Variants in SPPL2B observed in about 807,000 individuals in gnomAD.
SPPL2B encodes signal peptide peptidase like 2B.
A neutral mutation model predicts 59.7 loss-of-function variants in SPPL2B; 39 were observed. That is an observed-to-expected ratio of 0.65 (90% CI 0.51 to 0.85). The LOEUF (loss-of-function observed/expected upper bound fraction) is 0.85. SPPL2B is among the 40% of genes least tolerant of loss of function. The probability of loss-of-function intolerance (pLI) is 0.00; values close to 1 mark genes in which losing one functional copy is unlikely to be tolerated. For missense variants in SPPL2B, 865 were observed against 849.0 expected, an observed-to-expected ratio of 1.02 and a Z score of -0.23; for synonymous variants, 419 against 370.8, an observed-to-expected ratio of 1.13 and a Z score of -1.49.
chr19:2,343,619 C>A (rs774366492), intron 9 of SPPL2B, among the ~76,000 whole-genome samples: 1 of 152,052 alleles, frequency 6.6e-6, no homozygotes, highest in Non-Finnish European at 1.5e-5. Flanking sequence ...AAGCCCCAGG[C>A]GGCTGCACTC....
chr19:2,351,506 A>T lies in SPPL2B; in HGVS notation c.1427A>T (p.Tyr476Phe). Residue 476 changes from tyrosine to phenylalanine, a missense_variant, in exon 14 of 15, where the codon TAC becomes TTC. Physicochemically the swap from Tyr to Phe is conservative, Grantham distance 22 (BLOSUM62 3). Coordinates refer to ENST00000613503, the MANE Select transcript of SPPL2B (RefSeq NM_152988.3). ...CAGCGTGGCCAGCCCGCTCTCCTCT[A>T]CCTGGTGCCCTGCACGCTGGTGACG... ...LMQRGQPALLYLVPCTLVTSC... is the reference protein window; with the variant it reads ...LMQRGQPALLFLVPCTLVTSC... 1 of 1,610,944 alleles carries T rather than the reference A, an allele frequency of 6.2e-7. No individual in the cohort carries two copies. Among genetic ancestry groups the T allele is most frequent in the Non-Finnish European group, 8.5e-7 (1 of 1,179,560 alleles).
At chr19:2,348,513 T>C (rs1969633616) in intron 13 of SPPL2B, among the ~76,000 whole-genome samples, 1 of 148,406 alleles carries the variant, frequency 6.7e-6, no homozygotes, top group Non-Finnish European at 1.5e-5. Context: ...ATTCGCTTGA[T>C]TCCGTTCTCT....
rs1327025767 is a variant in SPPL2B, at chr19:2,354,350, C to T, written c.*1141C>T. 6.6e-6 allele frequency: 1 copy of T among 152,354 alleles called. No homozygotes were observed. The highest frequency in any genetic ancestry group is 2.4e-5 in the African/African-American group (1 of 41,462). The allele number at this position is 152,354 out of a possible 1,614,324, so 9.4% of individuals were successfully genotyped here. ...AGGCCCCGGCATCCTCCCCTCGCTG[C>T]ACGTGGTCACTTCCGAAGCAGCGCT... On this transcript the variant is annotated 3_prime_UTR_variant, in exon 15 of 15. Transcript: ENST00000613503.
At chr19:2,348,474 G>A (rs1465818283) in intron 13 of SPPL2B, among the ~76,000 whole-genome samples, 28 of 112,230 alleles carry the variant, frequency 2.5e-4, no homozygotes, top group Non-Finnish European at 4.1e-4. Flanking sequence ...GCTTGATTCC[G>A]TTCTCTCTCC....
rs774679642 is a variant in SPPL2B at position 2,351,553 on chromosome 19, C to T, written c.1474C>T (p.Arg492Cys). ...GACGAGCTGCGCTGTGGCGCTCTGG[C>T]GCCGGGAGCTGGGCGTGTTCTGGAC... ...LVTSCAVALW[R>C]RELGVFWTGS... The change falls in exon 14 of 15, where the codon CGC (arginine) becomes TGC (cysteine). Residue 492 changes from arginine (R) to cysteine (C), a missense_variant. Arg to Cys is a radical substitution (Grantham distance 180). Transcript: ENST00000613503. 14 of 1,611,274 alleles carry T rather than the reference C, an allele frequency of 8.7e-6. No homozygotes were observed. The highest frequency in any genetic ancestry group is 5.0e-5 in the Admixed American group (3 of 60,006).
In SPPL2B at chr19:2,341,514, C is replaced by T. The variant is rs750199947; in HGVS notation, c.956+500C>T. On this transcript the variant is annotated intron_variant, in intron 8 of 14. Coordinates refer to ENST00000613503, the MANE Select transcript of SPPL2B (RefSeq NM_152988.3). ...GTGGCCTGGACTTGTGGCTGCCTCC[C>T]GCTGGCCGGGCCTCCCCCATGAGGC... 5.9e-4 allele frequency: 265 copies of T among 445,804 alleles called. 1 individual carries two copies. The highest frequency in any genetic ancestry group is 8.2e-5 in the Non-Finnish European group (18 of 218,282). The allele number at this position is 445,804 out of a possible 1,614,324, so 27.6% of individuals were successfully genotyped here.
intron 11 of SPPL2B, 50 bp from the exon 12 acceptor site, chr19:2,344,503 G>T: frequency 1.3e-6 from 2 of 1,577,244 alleles, no homozygotes. Flanking sequence ...GAGGCATCCC[G>T]CGGCCGGGTG....
At chr19:2,329,412 G>A (rs1165348237) in intron 1 of SPPL2B, among the ~76,000 whole-genome samples, 1 of 152,226 alleles carries the variant, frequency 6.6e-6, no homozygotes, top group Non-Finnish European at 1.5e-5. Flanking sequence ...AGCGCCCAGG[G>A]CCAACAGGCC....
At chr19:2,346,380 C>T (rs75504785) in intron 13 of SPPL2B, among the ~76,000 whole-genome samples, 12,421 of 152,368 alleles carry the variant, frequency 0.082, 693 homozygotes, top group Non-Finnish European at 0.12. Context: ...AAAATCACGG[C>T]TGAGGCCGGG....
intron 9 of SPPL2B, 38 bp from the exon 10 acceptor site, chr19:2,343,927 G>T: frequency 1.3e-6 from 2 of 1,510,014 alleles, no homozygotes; most frequent in Non-Finnish European, 1.8e-6. Context: ...GGAGGCACGG[G>T]CCGGGGTGGG....
At chr19:2,350,697 A>G (rs1414148206) in intron 13 of SPPL2B, among the ~76,000 whole-genome samples, 1 of 152,274 alleles carries the variant, frequency 6.6e-6, no homozygotes, top group Non-Finnish European at 1.5e-5. Flanking sequence ...TGCGACAGCC[A>G]TTGCCTGCGG....
intron 2 of SPPL2B, among the ~76,000 whole-genome samples, chr19:2,335,712 C>A (rs561889124): frequency 6.7e-6 from 1 of 150,152 alleles, no homozygotes; most frequent in South Asian, 2.1e-4. Flanking sequence ...CTCTCCTTTC[C>A]CACCGCATCC....
intron 2 of SPPL2B, among the ~76,000 whole-genome samples, chr19:2,336,048 C>G (rs1432282837): frequency 1.3e-5 from 2 of 152,134 alleles, no homozygotes; most frequent in African/African-American, 4.8e-5. Flanking sequence ...AAGACATGTG[C>G]CTGAGTGCAT....
intron 3 of SPPL2B, chr19:2,338,551 C>A: frequency 1.8e-6 from 1 of 545,208 alleles, no homozygotes; most frequent in Non-Finnish European, 3.3e-6. Flanking sequence ...GTGAAGAAGG[C>A]TTGATGCCCT....
Position 2,333,793 on chromosome 19 carries a change from C to G in SPPL2B, c.67-809C>G, listed in dbSNP as rs540268755. Among the ~76,000 whole-genome samples, 3 of 152,344 alleles carry G rather than the reference C, an allele frequency of 2.0e-5. No homozygotes were observed. In the South Asian group the frequency reaches 6.2e-4, roughly 32 times the overall value. On this transcript the variant is annotated intron_variant, in intron 1 of 14. Coordinates refer to ENST00000613503, the MANE Select transcript of SPPL2B (RefSeq NM_152988.3). The stretch of plus-strand genomic sequence containing the variant: ...TTCTCTGAGCTGCTGCTGCTGCAGG[C>G]TGGAGAGCAGGAACTTGAAGCCCTG...
intron 8 of SPPL2B, chr19:2,342,337 C>T (rs549879510): frequency 6.6e-6 from 1 of 152,438 alleles, no homozygotes; most frequent in East Asian, 1.9e-4. Flanking sequence ...TTTGAGGAAA[C>T]CTGGTGTGGC....
intron 14 of SPPL2B, 38 bp from the exon 15 acceptor site, chr19:2,352,908 C>T (rs138601802): frequency 6.2e-7 from 1 of 1,609,442 alleles, no homozygotes; most frequent in Non-Finnish European, 8.5e-7. Context: ...CCTCTGGGTC[C>T]CTGTCTCCGC....
chr19:2,344,931 G>A (rs556872761), intron 12 of SPPL2B, among the ~76,000 whole-genome samples: 1 of 152,278 alleles, frequency 6.6e-6, no homozygotes, highest in African/African-American at 2.4e-5. Flanking sequence ...AGGGGTCCTT[G>A]CTGGGGCCTG....
In SPPL2B at chr19:2,328,757, T is replaced by C. The variant is rs1568424033; in HGVS notation, c.48T>C (p.Phe16=). ...CGCTGGCGCGGCTTTTGGCGGCCTT[T>C]CTGCTCCTCGCGGCCCAGGTGAGCG... The part of the protein sequence containing the change: ...AAALARLLAA[F]LLLAAQVACE... The change falls in exon 1 of 15, where the codon TTT becomes TTC. Residue 16 remains phenylalanine (F), a synonymous_variant. Coordinates refer to ENST00000613503, the MANE Select transcript of SPPL2B (RefSeq NM_152988.3). 1 of 1,461,966 alleles carries C rather than the reference T, an allele frequency of 6.8e-7. No individual in the cohort carries two copies. The highest frequency in any genetic ancestry group is 9.0e-7 in the Non-Finnish European group (1 of 1,115,372). 90.6% of individuals were successfully genotyped at this position (1,461,966 alleles called of 1,614,324 possible).
Sources: gnomAD v4.1 joint callset for allele counts (sites outside exome capture counted in the v4.1 genomes callset) on GRCh38, gnomAD v4.1.1 for gene constraint, MANE v1.5 for transcripts, NCBI Gene and HGNC (gene_info 2026-07-23, HGNC 2026-07-21) for gene names.